The following MTHFD2L variants were observed in gnomAD, a reference collection of about 807,000 sequenced individuals.
MTHFD2L encodes bifunctional methylenetetrahydrofolate dehydrogenase/cyclohydrolase 2, mitochondrial.
A neutral mutation model predicts 34.9 loss-of-function variants in MTHFD2L; 29 were observed. The observed-to-expected ratio is 0.83, with a 90% CI of 0.62 to 1.13. The LOEUF (loss-of-function observed/expected upper bound fraction) is 1.13. MTHFD2L is among the 50% of genes most tolerant of loss of function. The pLI is 0.00. For missense variants in MTHFD2L, 481 were observed against 446.5 expected, an observed-to-expected ratio of 1.08 and a Z score of -0.70; for synonymous variants, 167 against 155.7, an observed-to-expected ratio of 1.07 and a Z score of -0.54.
chr4:74,168,242 T>A (rs565591877), intron 1 of MTHFD2L, among the ~76,000 whole-genome samples: 1 of 152,340 alleles, frequency 6.6e-6, no homozygotes, highest in South Asian at 2.1e-4. Context: ...CTTCTCTGAC[T>A]TCATGTCTTA....
At chr4:74,244,993 G>T (rs1742213479) in intron 6 of MTHFD2L, among the ~76,000 whole-genome samples, 1 of 151,868 alleles carries the variant, frequency 6.6e-6, no homozygotes, top group Non-Finnish European at 1.5e-5. Flanking sequence ...AAGAGCTCGA[G>T]ACCATCCTGC....
At chr4:74,182,732 G>A (rs1730433775) in intron 3 of MTHFD2L, 1 of 152,106 alleles carries the variant, frequency 6.6e-6, no homozygotes, top group South Asian at 2.1e-4. Flanking sequence ...ATTAGATTGA[G>A]CCCATGTGAC....
chr4:74,267,371 TTTTCTTTC>T (rs200111752), intron 6 of MTHFD2L: 9 of 451,640 alleles, frequency 2.0e-5, no homozygotes, highest in South Asian at 9.4e-5. Flanking sequence ...CCTTTCTCTT[TTTTCTTTC>T]TTTCTTTCTT....
At chr4:74,155,215 G>C (rs1724169305), upstream of MTHFD2L, among the ~76,000 whole-genome samples, 2 of 152,144 alleles carry the variant, frequency 1.3e-5, no homozygotes, top group African/African-American at 4.8e-5. Flanking sequence ...TTTCCCGTGA[G>C]ATTGTTTCAT....
upstream of MTHFD2L, among the ~76,000 whole-genome samples, chr4:74,119,693 G>GA (rs1236928174): frequency 1.3e-5 from 2 of 152,104 alleles, no homozygotes; most frequent in African/African-American, 4.8e-5. Context: ...TGAAGCAGGA[G>GA]AATGGCGTGA....
At chr4:74,178,257 A>T (rs752234091) in intron 3 of MTHFD2L, among the ~76,000 whole-genome samples, 1 of 152,104 alleles carries the variant, frequency 6.6e-6, no homozygotes, top group Non-Finnish European at 1.5e-5. Flanking sequence ...CACCACAAAA[A>T]TACATATCTT....
chr4:74,159,619 C>CT (rs1417726559), intron 1 of MTHFD2L, among the ~76,000 whole-genome samples: 3 of 152,176 alleles, frequency 2.0e-5, no homozygotes, highest in African/African-American at 7.2e-5. Flanking sequence ...TCATTACAAA[C>CT]AACAGTTACA....
In MTHFD2L at chr4:74,126,838, A is replaced by G. The variant is rs938908527; in HGVS notation, c.-297+1321A>G. On this transcript the variant is annotated intron_variant, in intron 1 of 7. Transcript: ENST00000433372. ...GGGGATACTTGTGATAATCTGATACATTCATGATATGGTTTGGCTGTTTCC... is the reference window on the plus strand; with the variant it reads ...GGGGATACTTGTGATAATCTGATACGTTCATGATATGGTTTGGCTGTTTCC... Among the ~76,000 whole-genome samples the G allele has an allele frequency of 4.6e-5, 7 of 152,260 alleles. No homozygotes were observed. In the South Asian group the frequency reaches 8.3e-4, roughly 18 times the overall value.
chr4:74,217,986 T>C lies in MTHFD2L; in HGVS notation c.713-7316T>C, dbSNP rs893368288. ...CCTTCTCAGATGGAGTAAATAATGA[T>C]GCTCTTGACAACACTGTAACTTCTA... On this transcript the variant is annotated intron_variant, in intron 5 of 7. Coordinates refer to ENST00000325278, the MANE Select transcript of MTHFD2L (RefSeq NM_001144978.3). Among the ~76,000 whole-genome samples the C allele has an allele frequency of 2.6e-5, 4 of 152,182 alleles. No homozygotes were observed. The East Asian group carries it at 7.7e-4, about 29-fold the overall frequency.
chr4:74,281,005 CCCTCCCTT>C (rs1747389688), intron 6 of MTHFD2L, among the ~76,000 whole-genome samples: 1 of 151,730 alleles, frequency 6.6e-6, no homozygotes, highest in Non-Finnish European at 1.5e-5. Flanking sequence ...CTCCCTTCCT[CCCTCCCTT>C]CCTCCCTTTT....
intron 6 of MTHFD2L, among the ~76,000 whole-genome samples, chr4:74,234,928 A>G (rs1740632375): frequency 6.6e-6 from 1 of 152,018 alleles, no homozygotes; most frequent in Non-Finnish European, 1.5e-5. Flanking sequence ...AAGTACATGA[A>G]TGAGTCGGGT....
At chr4:74,218,615 C>CT (rs1491434909) in intron 5 of MTHFD2L, among the ~76,000 whole-genome samples, 2 of 98,552 alleles carry the variant, frequency 2.0e-5, no homozygotes, top group African/African-American at 1.7e-4. Flanking sequence ...TAATTTCAAG[C>CT]CCCCCCCCCA....
intron 1 of MTHFD2L, among the ~76,000 whole-genome samples, chr4:74,172,124 A>G (rs1412555209): frequency 6.6e-6 from 1 of 152,212 alleles, no homozygotes; most frequent in Non-Finnish European, 1.5e-5. Flanking sequence ...AAACCAATAT[A>G]TACTGAACAA....
At chr4:74,164,066 G>A (rs1017683957) in intron 1 of MTHFD2L, among the ~76,000 whole-genome samples, 1 of 152,054 alleles carries the variant, frequency 6.6e-6, no homozygotes, top group African/African-American at 2.4e-5. Context: ...TAGTAGGGAC[G>A]GGGTTTCACC....
intron 7 of MTHFD2L, among the ~76,000 whole-genome samples, chr4:74,284,632 T>C (rs1208799527): frequency 6.6e-6 from 1 of 151,852 alleles, no homozygotes; most frequent in Non-Finnish European, 1.5e-5. Context: ...ATTCTGTACA[T>C]TGCCTGTTCA....
chr4:74,212,283 G>A (rs1378297255), intron 5 of MTHFD2L, among the ~76,000 whole-genome samples: 2 of 152,068 alleles, frequency 1.3e-5, no homozygotes, highest in African/African-American at 4.8e-5. Context: ...TAATTGTGAT[G>A]TTAGGGTGTC....
At chr4:74,190,931 C>T (rs984020620) in intron 3 of MTHFD2L, among the ~76,000 whole-genome samples, 3 of 152,122 alleles carry the variant, frequency 2.0e-5, no homozygotes, top group East Asian at 1.9e-4. Context: ...GACAGAGTCT[C>T]GCTGTATTGC....
intron 5 of MTHFD2L, among the ~76,000 whole-genome samples, chr4:74,211,604 T>C (rs1288145477): frequency 6.6e-6 from 1 of 152,236 alleles, no homozygotes; most frequent in African/African-American, 2.4e-5. Context: ...TACTGAGGAC[T>C]TTCACATTGA....
intron 3 of MTHFD2L, chr4:74,194,459 G>A (rs1346485252): frequency 6.6e-6 from 1 of 151,922 alleles, no homozygotes; most frequent in African/African-American, 2.4e-5. Flanking sequence ...TTTTCAGATA[G>A]TTGTTTTTGT....
Sources: allele counts gnomAD v4.1 joint callset (sites outside exome capture counted in the v4.1 genomes callset), GRCh38; gene constraint gnomAD v4.1.1; transcripts MANE v1.5; gene names NCBI Gene and HGNC (gene_info 2026-07-23, HGNC 2026-07-21).